Variants in NKAIN3 observed in about 807,000 individuals in gnomAD.
The protein encoded by NKAIN3 is sodium/potassium-transporting ATPase subunit beta-1-interacting protein 3.
A neutral mutation model predicts 30.2 loss-of-function variants in NKAIN3; 25 were observed. That is an observed-to-expected ratio of 0.83 (90% confidence interval 0.60 to 1.16). The LOEUF is 1.16. Among genes scored for constraint, NKAIN3 ranks in the 50% most tolerant of loss-of-function variants. The pLI is 0.00. For synonymous variants in NKAIN3, 91 were observed against 89.6 expected, an observed-to-expected ratio of 1.02 and a Z score of -0.09; for missense variants, 225 against 254.1, an observed-to-expected ratio of 0.89 and a Z score of 0.78.
chr8:62,812,769 G>A (rs183261711), intron 4 of NKAIN3, among the ~76,000 whole-genome samples: 7 of 151,846 alleles, frequency 4.6e-5, no homozygotes, highest in African/African-American at 1.7e-4. Context: ...TTTATTCAAT[G>A]CTATTTTCCT....
chr8:62,753,362 A>T (rs1816348354), intron 4 of NKAIN3, among the ~76,000 whole-genome samples: 1 of 152,062 alleles, frequency 6.6e-6, no homozygotes, highest in South Asian at 2.1e-4. Context: ...TTAGCACCCG[A>T]ACATCTGAAA....
intron 1 of NKAIN3, among the ~76,000 whole-genome samples, chr8:62,357,403 G>A (rs1238417576): frequency 6.6e-6 from 1 of 152,180 alleles, no homozygotes; most frequent in Non-Finnish European, 1.5e-5. Context: ...AACAGAGCAA[G>A]ATTCTTCCTG....
intron 1 of NKAIN3, among the ~76,000 whole-genome samples, chr8:62,376,792 A>C (rs958988361): frequency 1.3e-5 from 2 of 152,210 alleles, no homozygotes; most frequent in Admixed American, 6.5e-5. Flanking sequence ...AGGCCATTCT[A>C]GGATAATTTA....
At chr8:62,850,821 G>T (rs1379700392) in intron 4 of NKAIN3, among the ~76,000 whole-genome samples, 2 of 152,128 alleles carry the variant, frequency 1.3e-5, no homozygotes, top group Non-Finnish European at 2.9e-5. Context: ...CTATATCTCT[G>T]TTTTGGTACC....
intron 4 of NKAIN3, among the ~76,000 whole-genome samples, chr8:62,851,488 A>T (rs1302652880): frequency 2.0e-5 from 3 of 152,118 alleles, no homozygotes. Context: ...AACTTCCAAC[A>T]CTATTTTTAA....
intron 1 of NKAIN3, among the ~76,000 whole-genome samples, chr8:62,285,579 A>C (rs549970641): frequency 6.6e-6 from 1 of 152,150 alleles, no homozygotes; most frequent in South Asian, 2.1e-4. Flanking sequence ...GCTCTGAGTT[A>C]GACTTCAGGT....
intron 5 of NKAIN3, among the ~76,000 whole-genome samples, chr8:62,919,226 A>ATTTTTTTTTTT (rs1415475110): frequency 1.9e-4 from 17 of 88,438 alleles, no homozygotes; most frequent in African/African-American, 3.0e-4. Flanking sequence ...TTACTTTCAA[A>ATTTTTTTTTTT]ATTTTTTTTT....
At chr8:62,513,792 C>A (rs1807890902) in intron 1 of NKAIN3, among the ~76,000 whole-genome samples, 1 of 134,416 alleles carries the variant, frequency 7.4e-6, no homozygotes, top group South Asian at 2.4e-4. Context: ...TATCGTTTGA[C>A]CCCAAGAGGT....
chr8:62,282,469 T>G (rs940394143), intron 1 of NKAIN3, among the ~76,000 whole-genome samples: 2 of 152,160 alleles, frequency 1.3e-5, no homozygotes, highest in Non-Finnish European at 2.9e-5. Flanking sequence ...AGAGTATAGA[T>G]TTTTGAATGC....
At chr8:62,649,123 T>G (rs1367858883) in intron 3 of NKAIN3, among the ~76,000 whole-genome samples, 5 of 152,184 alleles carry the variant, frequency 3.3e-5, no homozygotes, top group Admixed American at 1.3e-4. Flanking sequence ...TGCCAAAGAT[T>G]GAAAGAAAAA....
intron 3 of NKAIN3, among the ~76,000 whole-genome samples, chr8:62,737,060 C>A (rs768019273): frequency 6.6e-6 from 1 of 152,198 alleles, no homozygotes; most frequent in Non-Finnish European, 1.5e-5. Context: ...CTCACAGAAC[C>A]TATAGCCTCA....
At chr8:62,809,652 A>T (rs1192486092) in intron 4 of NKAIN3, among the ~76,000 whole-genome samples, 1 of 152,216 alleles carries the variant, frequency 6.6e-6, no homozygotes, top group Non-Finnish European at 1.5e-5. Context: ...AAAATAATTC[A>T]AATTCCATTA....
At chr8:62,952,241 G>T (rs1005455502) in intron 5 of NKAIN3, among the ~76,000 whole-genome samples, 1 of 151,528 alleles carries the variant, frequency 6.6e-6, no homozygotes, top group Non-Finnish European at 1.5e-5. Context: ...TTTTTGTGAA[G>T]TACAACATAT....
chr8:62,531,244 G>A (rs1808481979), intron 1 of NKAIN3, among the ~76,000 whole-genome samples: 2 of 152,262 alleles, frequency 1.3e-5, no homozygotes, highest in South Asian at 4.2e-4. Flanking sequence ...TGTCGTTTTA[G>A]TACATCATGG....
intron 3 of NKAIN3, among the ~76,000 whole-genome samples, chr8:62,679,537 ATT>A (rs2130412918): frequency 6.6e-6 from 1 of 152,274 alleles, no homozygotes; most frequent in East Asian, 1.9e-4. Flanking sequence ...AAGAAAAGGG[ATT>A]TAATTGGCTC....
At chr8:62,455,322 G>T (rs577699189) in intron 1 of NKAIN3, among the ~76,000 whole-genome samples, 1 of 152,308 alleles carries the variant, frequency 6.6e-6, no homozygotes, top group East Asian at 1.9e-4. Context: ...GTACTCCATG[G>T]ACTACTATGC....
At chr8:62,934,592 A>G (rs1680297783) in intron 5 of NKAIN3, among the ~76,000 whole-genome samples, 1 of 152,078 alleles carries the variant, frequency 6.6e-6, no homozygotes, top group African/African-American at 2.4e-5. Flanking sequence ...TAAGGACTCT[A>G]CAGCCTGGTT....
chr8:62,785,447 A>C (rs1203399115), intron 4 of NKAIN3, among the ~76,000 whole-genome samples: 1 of 152,096 alleles, frequency 6.6e-6, no homozygotes, highest in African/African-American at 2.4e-5. Flanking sequence ...AGAGATGGAG[A>C]GTGACTGTTA....
chr8:62,690,718 A>G (rs1813940978), intron 3 of NKAIN3, among the ~76,000 whole-genome samples: 1 of 152,196 alleles, frequency 6.6e-6, no homozygotes, highest in African/African-American at 2.4e-5. Flanking sequence ...TGACAGCTGC[A>G]CACATGCCAC....
Sources: allele counts gnomAD v4.1 joint callset (sites outside exome capture counted in the v4.1 genomes callset), GRCh38; gene constraint gnomAD v4.1.1; transcripts MANE v1.5; gene names NCBI Gene and HGNC (gene_info 2026-07-23, HGNC 2026-07-21).